Variants in NRF1 observed in about 807,000 individuals in gnomAD.
The protein encoded by NRF1 is alpha palindromic-binding protein.
A neutral mutation model predicts 58.5 loss-of-function variants in NRF1; 5 were observed. The observed-to-expected ratio is 0.09, with a 90% CI of 0.04 to 0.18. The LOEUF (loss-of-function observed/expected upper bound fraction) is 0.18. Ranked by LOEUF, NRF1 falls within the 10% of genes least tolerant of loss-of-function variation. The probability of loss-of-function intolerance (pLI) is 1.00; values close to 1 mark genes in which losing one functional copy is unlikely to be tolerated. For missense variants in NRF1, 288 were observed against 657.7 expected, an observed-to-expected ratio of 0.44 and a Z score of 6.15; for synonymous variants, 224 against 246.7, an observed-to-expected ratio of 0.91 and a Z score of 0.86.
At chr7:129,620,155 A>T (rs1800759531) in intron 1 of NRF1, among the ~76,000 whole-genome samples, 1 of 152,202 alleles carries the variant, frequency 6.6e-6, no homozygotes, top group African/African-American at 2.4e-5. Flanking sequence ...AGAAATCTTG[A>T]GTAGGTGTCT....
At chr7:129,637,484 A>C (rs1801192421) in intron 1 of NRF1, among the ~76,000 whole-genome samples, 4 of 152,212 alleles carry the variant, frequency 2.6e-5, no homozygotes, top group Admixed American at 2.6e-4. Flanking sequence ...TCACAGTCTT[A>C]TTATTTTGAA....
At chr7:129,672,082 C>T (rs1802060720) in intron 3 of NRF1, among the ~76,000 whole-genome samples, 2 of 151,694 alleles carry the variant, frequency 1.3e-5, no homozygotes, top group African/African-American at 4.8e-5. Flanking sequence ...ACATCTCAGG[C>T]AGGGTGAGTA....
At chr7:129,744,902 AG>A (rs75382910) in intron 10 of NRF1, among the ~76,000 whole-genome samples, 6,480 of 152,224 alleles carry the variant, frequency 0.043, 167 homozygotes, top group Middle Eastern at 0.12. Context: ...ATCCCTGCTC[AG>A]ATAGAAGAGG....
chr7:129,667,601 G>A lies in NRF1; in HGVS notation c.224-3828G>A, dbSNP rs963407796. Among the ~76,000 whole-genome samples, 5 of 151,414 alleles carry A rather than the reference G, an allele frequency of 3.3e-5. No individual in the cohort carries two copies. The East Asian group carries it at 9.7e-4, about 29-fold the overall frequency. ...CATGAAGGTTTTTATTTATATTATT[G>A]TGAAATTTATTAATCTTTTACCTTA... On this transcript the variant is annotated intron_variant, in intron 2 of 10. Transcript: ENST00000393232.
At chr7:129,642,347 TATC>T (rs1489169779) in intron 1 of NRF1, among the ~76,000 whole-genome samples, 2 of 152,220 alleles carry the variant, frequency 1.3e-5, no homozygotes, top group Non-Finnish European at 2.9e-5. Flanking sequence ...GAATACTAGT[TATC>T]ATTAACAGTG....
At chr7:129,689,098 A>G (rs1187215464) in intron 4 of NRF1, among the ~76,000 whole-genome samples, 6 of 152,230 alleles carry the variant, frequency 3.9e-5, no homozygotes, top group Non-Finnish European at 5.9e-5. Flanking sequence ...AGACCAGGAT[A>G]CAACTGAATC....
chr7:129,695,595 A>T (rs936918650), intron 5 of NRF1, among the ~76,000 whole-genome samples: 1 of 151,060 alleles, frequency 6.6e-6, no homozygotes, highest in Non-Finnish European at 1.5e-5. Flanking sequence ...AAAACAAAAA[A>T]AACTGATTGT....
chr7:129,614,104 G>C (rs1257261077), intron 1 of NRF1, among the ~76,000 whole-genome samples: 1 of 152,054 alleles, frequency 6.6e-6, no homozygotes, highest in Non-Finnish European at 1.5e-5. Flanking sequence ...AATTTTTGTG[G>C]AAATAGTTCT....
chr7:129,750,562 G>A (rs1175601024), intron 10 of NRF1, among the ~76,000 whole-genome samples: 1 of 152,174 alleles, frequency 6.6e-6, no homozygotes, highest in Non-Finnish European at 1.5e-5. Context: ...GAAAACAGCG[G>A]AATTGGGGTT....
chr7:129,728,878 G>C (rs1220042557), intron 10 of NRF1, among the ~76,000 whole-genome samples: 1 of 152,194 alleles, frequency 6.6e-6, no homozygotes, highest in African/African-American at 2.4e-5. Flanking sequence ...CCAGAATGCT[G>C]TAGGACAAAG....
At chr7:129,718,445 A>G (rs1455552708) in intron 9 of NRF1, among the ~76,000 whole-genome samples, 1 of 152,196 alleles carries the variant, frequency 6.6e-6, no homozygotes, top group Non-Finnish European at 1.5e-5. Flanking sequence ...TGTCTTGTAT[A>G]CAGTAAGGGC....
intron 10 of NRF1, among the ~76,000 whole-genome samples, chr7:129,729,396 G>T (rs1386340549): frequency 6.6e-6 from 1 of 152,182 alleles, no homozygotes; most frequent in Non-Finnish European, 1.5e-5. Context: ...GGCTACATTT[G>T]TGATCTGGGA....
At chr7:129,619,872 T>C (rs1050562031) in intron 1 of NRF1, among the ~76,000 whole-genome samples, 1 of 151,844 alleles carries the variant, frequency 6.6e-6, no homozygotes, top group Non-Finnish European at 1.5e-5. Context: ...ATGTTAAGTA[T>C]GGGGGTTTTT....
At chr7:129,731,948 C>T (rs1803589456) in intron 10 of NRF1, among the ~76,000 whole-genome samples, 1 of 152,130 alleles carries the variant, frequency 6.6e-6, no homozygotes, top group Non-Finnish European at 1.5e-5. Context: ...TATCTCAATA[C>T]TCTTTTCATC....
intron 5 of NRF1, among the ~76,000 whole-genome samples, chr7:129,700,706 C>T (rs1258287362): frequency 6.6e-6 from 1 of 152,028 alleles, no homozygotes; most frequent in Non-Finnish European, 1.5e-5. Context: ...TGGTTTGAGG[C>T]CAGGAGTTTT....
At chr7:129,619,433 T>TATATATATATATAC (rs1554401492) in intron 1 of NRF1, among the ~76,000 whole-genome samples, 2 of 65,874 alleles carry the variant, frequency 3.0e-5, no homozygotes, top group African/African-American at 8.2e-5. Context: ...TATATATATA[T>TATATATATATATAC]ACACACACAC....
chr7:129,752,587 C>T (rs1272357928), intron 10 of NRF1, among the ~76,000 whole-genome samples: 1 of 152,114 alleles, frequency 6.6e-6, no homozygotes, highest in East Asian at 1.9e-4. Flanking sequence ...TGTGGTAGCT[C>T]ATGCCTGTAA....
At chr7:129,746,942 C>T (rs922014162) in intron 10 of NRF1, among the ~76,000 whole-genome samples, 13 of 152,206 alleles carry the variant, frequency 8.5e-5, no homozygotes, top group Non-Finnish European at 1.6e-4. Flanking sequence ...GATTCAGTTA[C>T]AGCAAACAAC....
intron 4 of NRF1, among the ~76,000 whole-genome samples, chr7:129,688,692 CAGAG>C (rs796933983): frequency 2.8e-3 from 395 of 139,530 alleles, no homozygotes; most frequent in African/African-American, 0.013. Context: ...AGGAGAGAGA[CAGAG>C]AGAGAGACAA....
Sources: gnomAD v4.1 joint callset for allele counts (sites outside exome capture counted in the v4.1 genomes callset) on GRCh38, gnomAD v4.1.1 for gene constraint, MANE v1.5 for transcripts, NCBI Gene and HGNC (gene_info 2026-07-23, HGNC 2026-07-21) for gene names.